Variants in OVCH1 observed in about 807,000 individuals in gnomAD.
The protein encoded by OVCH1 is ovochymase 1, also known as ovochymase-1.
Under a neutral mutation model 138.4 loss-of-function variants are expected in OVCH1, and 139 were observed. The ratio of observed to expected loss-of-function variants is 1.00; its 90% CI spans 0.87 to 1.16. The LOEUF (loss-of-function observed/expected upper bound fraction) is 1.16, where lower values mean the gene tolerates loss of function less well. OVCH1 is among the 50% of genes most tolerant of loss of function. The pLI is 0.00. For synonymous variants in OVCH1, 453 were observed against 467.8 expected (o/e 0.97, Z 0.41); for missense variants, 1,367 against 1,357.9 (o/e 1.01, Z -0.11).
intron 13 of OVCH1, 81 bp downstream of exon 13, chr12:29,476,125 G>T: frequency 9.1e-7 from 1 of 1,103,590 alleles, no homozygotes; most frequent in South Asian, 1.3e-5. Flanking sequence ...TCTACGTTCT[G>T]GTACCCAAGG....
At chr12:29,473,417 T>C (rs1410690212) in intron 14 of OVCH1, among the ~76,000 whole-genome samples, 1 of 152,142 alleles carries the variant, frequency 6.6e-6, no homozygotes, top group Admixed American at 6.6e-5. Context: ...TGAAAAGATA[T>C]TGCCAAGGTA....
chr12:29,491,294 C>A, intron 4 of OVCH1, 102 bp from the exon 5 acceptor site: 2 of 969,012 alleles, frequency 2.1e-6, no homozygotes, highest in South Asian at 1.6e-5. Flanking sequence ...ACACTTTCTT[C>A]CTAAATGTAA....
chr12:29,495,582 T>G, intron 3 of OVCH1, 125 bp from the exon 4 acceptor site: 1 of 850,818 alleles, frequency 1.2e-6, no homozygotes, highest in South Asian at 1.8e-5. Context: ...GAAGAAGGTT[T>G]TCCTTATTAT....
intron 16 of OVCH1, among the ~76,000 whole-genome samples, chr12:29,469,791 T>G (rs1942441180): frequency 1.3e-5 from 2 of 151,934 alleles, no homozygotes; most frequent in Admixed American, 1.3e-4. Context: ...GGAGGATCCC[T>G]TGAGCCCCAC....
At chr12:29,443,240 A>G (rs2135924292) in intron 25 of OVCH1, 121 bp downstream of exon 25, 1 of 946,654 alleles carries the variant, frequency 1.1e-6, no homozygotes, top group Non-Finnish European at 1.5e-6. Flanking sequence ...GTCTATTTCA[A>G]CATCCTATAA....
chr12:29,481,278 T>C lies in OVCH1; in HGVS notation c.996-2370A>G, dbSNP rs540164253. Among the ~76,000 whole-genome samples, 3 of 152,284 alleles carry C rather than the reference T, an allele frequency of 2.0e-5. No individual in the cohort carries two copies. The South Asian group carries it at 6.2e-4, about 32-fold the overall frequency. On this transcript the variant is annotated intron_variant, in intron 8 of 27. Transcript: ENST00000318184. ...GACAGTGTTTGGTGACTCAGCCTTA[T>C]ATGAACCTATCTTAGGAATTTTGTT... is the stretch of plus-strand genomic sequence containing the variant.
intron 3 of OVCH1, among the ~76,000 whole-genome samples, chr12:29,417,604 C>G (rs1374089859): frequency 6.6e-6 from 1 of 151,616 alleles, no homozygotes; most frequent in Non-Finnish European, 1.5e-5. Flanking sequence ...GGTGCCTGTA[C>G]TATTTCTTAA....
At chr12:29,451,240 C>T in intron 22 of OVCH1, 105 bp downstream of exon 22, 1 of 795,940 alleles carries the variant, frequency 1.3e-6, no homozygotes. Flanking sequence ...TTACATGGAT[C>T]AACATTTTGG....
At chr12:29,478,965 T>G (rs1942835767) in intron 8 of OVCH1, 1 of 1,275,666 alleles carries the variant, frequency 7.8e-7, no homozygotes, top group East Asian at 2.6e-5. Context: ...TCCAAACATA[T>G]AAGCTGGGGT....
intron 4 of OVCH1, among the ~76,000 whole-genome samples, chr12:29,494,384 G>A (rs1943354766): frequency 1.3e-5 from 2 of 152,146 alleles, no homozygotes; most frequent in African/African-American, 4.8e-5. Context: ...TACCCAGAAT[G>A]TTTATATTAC....
chr12:29,444,483 T>C (rs776452057), intron 23 of OVCH1, among the ~76,000 whole-genome samples: 1 of 152,202 alleles, frequency 6.6e-6, no homozygotes, highest in South Asian at 2.1e-4. Context: ...ATCTCTCAGA[T>C]GATCTCTGAC....
At chr12:29,456,076 A>G (rs998860667) in intron 19 of OVCH1, among the ~76,000 whole-genome samples, 1 of 152,230 alleles carries the variant, frequency 6.6e-6, no homozygotes, top group African/African-American at 2.4e-5. Context: ...TTACCTGCAG[A>G]TACCAAAGTT....
rs536466391 is a variant in OVCH1, at chr12:29,489,931, T to C, written c.551-160A>G. ...TATTCACTTCTAAAAATCAGATATG[T>C]GGCAGAGGACATTTTTTGAAAATTC... On this transcript the variant is annotated intron_variant, in intron 5 of 27. Transcript: ENST00000318184. Among the ~76,000 whole-genome samples, 3 of 152,354 alleles carry C rather than the reference T, an allele frequency of 2.0e-5. 1 individual carries two copies. The highest frequency in any genetic ancestry group is 7.2e-5 in the African/African-American group (3 of 41,576).
chr12:29,466,794 G>A (rs989623711), intron 16 of OVCH1, among the ~76,000 whole-genome samples: 9 of 152,146 alleles, frequency 5.9e-5, no homozygotes, highest in African/African-American at 2.2e-4. Flanking sequence ...CTGAAAAAGT[G>A]TCTGAGGAAA....
chr12:29,471,649 A>T lies in OVCH1; in HGVS notation c.1856+153T>A, dbSNP rs112889993. On this transcript the variant is annotated intron_variant, in intron 16 of 27. Coordinates refer to ENST00000318184, the Ensembl canonical transcript of OVCH1. ...AACTTTTCCTTCACTGACATTGTTT[A>T]AATAGTAGCTAGATGGCTATGCAGA... Among the ~76,000 whole-genome samples, 10 of 152,336 alleles carry T rather than the reference A, an allele frequency of 6.6e-5. 1 individual carries two copies. Among genetic ancestry groups the T allele is most frequent in the African/African-American group, 2.4e-4 (10 of 41,586 alleles).
At chr12:29,411,930 A>C (rs984941860), downstream of OVCH1, among the ~76,000 whole-genome samples, 5 of 150,882 alleles carry the variant, frequency 3.3e-5, no homozygotes, top group African/African-American at 1.2e-4. Context: ...AGAGGCAGGC[A>C]GGCCTCCTTG....
chr12:29,495,182 G>T, intron 4 of OVCH1, 103 bp downstream of exon 4: 1 of 1,115,374 alleles, frequency 9.0e-7, no homozygotes. Flanking sequence ...ACAAAGCTTA[G>T]CTATTCTATT....
intron 8 of OVCH1, among the ~76,000 whole-genome samples, chr12:29,484,043 T>C (rs1943018397): frequency 6.6e-6 from 1 of 152,220 alleles, no homozygotes; most frequent in South Asian, 2.1e-4. Flanking sequence ...TGTAGAACTG[T>C]TATCTTTGTA....
intron 6 of OVCH1, among the ~76,000 whole-genome samples, chr12:29,488,493 C>CCTATA (rs1016402158): frequency 1.3e-5 from 2 of 151,662 alleles, no homozygotes; most frequent in African/African-American, 4.8e-5. Context: ...GTGGTGGGTG[C>CCTATA]CTATAATCCC....
Sources: allele counts gnomAD v4.1 joint callset (sites outside exome capture counted in the v4.1 genomes callset), GRCh38; gene constraint gnomAD v4.1.1; transcripts MANE v1.5; gene names NCBI Gene and HGNC (gene_info 2026-07-23, HGNC 2026-07-21).